CEP170: variants seen among roughly 807,000 people sequenced by gnomAD.
The protein encoded by CEP170 is centrosomal protein of 170 kDa.
A neutral mutation model predicts 151.9 loss-of-function variants in CEP170; 21 were observed. The ratio of observed to expected loss-of-function variants is 0.14; its 90% CI spans 0.10 to 0.20. CEP170 has a LOEUF of 0.20. Among genes scored for constraint, CEP170 ranks in the 10% least tolerant of loss-of-function variants. The pLI is 1.00. For synonymous variants in CEP170, 356 were observed against 648.8 expected, an observed-to-expected ratio of 0.55 and a Z score of 6.86; for missense variants, 964 against 1,892.9, an observed-to-expected ratio of 0.51 and a Z score of 9.11.
At chr1:243,179,146 T>G (rs2059454996) in intron 10 of CEP170, among the ~76,000 whole-genome samples, 3 of 152,214 alleles carry the variant, frequency 2.0e-5, no homozygotes, top group Admixed American at 1.3e-4. Context: ...ATCTCTTCCC[T>G]CCCATCACTT....
chr1:243,221,655 A>G, intron 3 of CEP170, 69 bp downstream of exon 3: 1 of 1,414,816 alleles, frequency 7.1e-7, no homozygotes, highest in Non-Finnish European at 9.6e-7. Flanking sequence ...TAGGAAATGT[A>G]ATCTGATTTT....
intron 8 of CEP170, among the ~76,000 whole-genome samples, chr1:243,190,074 A>C (rs1226856531): frequency 6.6e-6 from 1 of 152,196 alleles, no homozygotes; most frequent in Admixed American, 6.5e-5. Flanking sequence ...GTACAGATTA[A>C]ATCAGGGACA....
intron 7 of CEP170, among the ~76,000 whole-genome samples, chr1:243,193,672 A>C (rs2060459079): frequency 6.6e-6 from 1 of 152,072 alleles, no homozygotes; most frequent in Non-Finnish European, 1.5e-5. Flanking sequence ...TCTAGAAATC[A>C]AGTACCTAAC....
At chr1:243,130,276 A>G (rs1484466582) in intron 17 of CEP170, among the ~76,000 whole-genome samples, 1 of 152,200 alleles carries the variant, frequency 6.6e-6, no homozygotes, top group Non-Finnish European at 1.5e-5. Flanking sequence ...AAAAGTGTGT[A>G]TATTATTTTG....
intron 3 of CEP170, among the ~76,000 whole-genome samples, chr1:243,215,674 T>C (rs1190082067): frequency 1.3e-5 from 2 of 152,162 alleles, no homozygotes; most frequent in East Asian, 3.8e-4. Context: ...GATACTTCAT[T>C]AGCATTTTTA....
chr1:243,164,179 G>A, intron 13 of CEP170, 105 bp downstream of exon 13: 1 of 1,272,754 alleles, frequency 7.9e-7, no homozygotes, highest in Non-Finnish European at 1.0e-6. Context: ...TTTTGAATGA[G>A]TATCTTGGGA....
At chr1:243,249,547 A>C (rs2065744759) in intron 1 of CEP170, among the ~76,000 whole-genome samples, 1 of 152,142 alleles carries the variant, frequency 6.6e-6, no homozygotes, top group African/African-American at 2.4e-5. Context: ...GTAGGGTGAA[A>C]AGGTTTTTCA....
intron 14 of CEP170, among the ~76,000 whole-genome samples, chr1:243,151,959 T>C (rs1035590633): frequency 8.7e-4 from 133 of 152,250 alleles, no homozygotes; most frequent in African/African-American, 3.0e-3. Flanking sequence ...TTAAGAATTA[T>C]GCTAAATCTA....
chr1:243,180,892 G>C (rs527772872), intron 10 of CEP170, among the ~76,000 whole-genome samples: 1 of 152,168 alleles, frequency 6.6e-6, no homozygotes, highest in Non-Finnish European at 1.5e-5. Flanking sequence ...AAGAAAAGAC[G>C]CTAGTAAGAG....
At chr1:243,181,702 C>A (rs568064546) in intron 10 of CEP170, among the ~76,000 whole-genome samples, 3 of 152,316 alleles carry the variant, frequency 2.0e-5, no homozygotes, top group African/African-American at 7.2e-5. Context: ...GCATTCTGTG[C>A]TCATCATAGT....
chr1:243,149,416 TG>T (rs1447992062), intron 14 of CEP170, among the ~76,000 whole-genome samples: 1 of 152,064 alleles, frequency 6.6e-6, no homozygotes, highest in Admixed American at 6.5e-5. Flanking sequence ...GAAGGAATAA[TG>T]AAGTTCTAGG....
intron 12 of CEP170, among the ~76,000 whole-genome samples, 173 bp from the exon 13 acceptor site, chr1:243,166,289 T>G (rs1168121165): frequency 6.6e-6 from 1 of 152,210 alleles, no homozygotes; most frequent in African/African-American, 2.4e-5. Context: ...TGGTATAATA[T>G]TTGTATATAA....
rs35889417 is a variant in CEP170, at chr1:243,243,497, GATTTATTT to G, written c.-42+11535_-42+11542del. 3.9e-3 allele frequency among the ~76,000 whole-genome samples: 571 copies of G among 146,046 alleles called. 2 individuals are homozygous for G. The highest frequency in any genetic ancestry group is 3.8e-3 in the Non-Finnish European group (255 of 66,638). ...AAAACAAAATTCAACTTACCATTCTGATTTATTTATTTATTTATTTATTTATTTATTTA... is the reference window on the plus strand; with the variant it reads ...AAAACAAAATTCAACTTACCATTCTGATTTATTTATTTATTTATTTATTTA... On this transcript the variant is annotated intron_variant, in intron 1 of 19. Transcript: ENST00000366542.
In CEP170 at chr1:243,225,189, TCA is replaced by T. The variant is rs1424870690; in HGVS notation, c.90_91del (p.Cys30Ter). 1 of 1,597,228 alleles carries T rather than the reference TCA, an allele frequency of 6.3e-7. No individual in the cohort carries two copies. The highest frequency in any genetic ancestry group is 8.5e-7 in the Non-Finnish European group (1 of 1,172,396). On this transcript the variant is annotated stop_gained and frameshift_variant, in exon 2 of 20. Coordinates refer to ENST00000366542, the MANE Select transcript of CEP170 (RefSeq NM_014812.3). LOFTEE classifies it high-confidence loss of function. ...TGACACAATTACCTGCAACATGAGC[TCA>T]CAGTCATCTCTTCCAACAAAAATCA...
chr1:243,248,636 A>T (rs1326575895), intron 1 of CEP170, among the ~76,000 whole-genome samples: 1 of 152,152 alleles, frequency 6.6e-6, no homozygotes, highest in African/African-American at 2.4e-5. Context: ...TATTGCCACT[A>T]CTGTCGCTCT....
chr1:243,175,543 T>A (rs1224319986), intron 10 of CEP170, among the ~76,000 whole-genome samples: 1 of 152,222 alleles, frequency 6.6e-6, no homozygotes, highest in Non-Finnish European at 1.5e-5. Flanking sequence ...AAGTTTATAC[T>A]GTCTATATAC....
At chr1:243,249,680 C>T (rs2065759673) in intron 1 of CEP170, among the ~76,000 whole-genome samples, 1 of 152,222 alleles carries the variant, frequency 6.6e-6, no homozygotes, top group South Asian at 2.1e-4. Context: ...TAGCATCTAT[C>T]CTTACTTGAC....
intron 4 of CEP170, among the ~76,000 whole-genome samples, chr1:243,208,982 C>T (rs2061596421): frequency 1.3e-5 from 2 of 152,052 alleles, no homozygotes; most frequent in Non-Finnish European, 2.9e-5. Flanking sequence ...TTTATTACCA[C>T]TTTTTGAAGT....
intron 1 of CEP170, among the ~76,000 whole-genome samples, chr1:243,227,026 ATGGGATTTTGTAACACCACGTAT>A (rs2063353263): frequency 6.6e-6 from 1 of 152,204 alleles, no homozygotes; most frequent in Non-Finnish European, 1.5e-5. Context: ...TTATATTTTG[ATGGGATTTTGTAACACCACGTAT>A]TGGTCCTTGG....
Sources: allele counts gnomAD v4.1 joint callset (sites outside exome capture counted in the v4.1 genomes callset), GRCh38; gene constraint gnomAD v4.1.1; transcripts MANE v1.5; gene names NCBI Gene and HGNC (gene_info 2026-07-23, HGNC 2026-07-21).